The following NT5C2 variants were observed in gnomAD, a reference collection of about 807,000 sequenced individuals.
NT5C2 encodes the protein cytosolic purine 5'-nucleotidase.
NT5C2 carries 58 observed loss-of-function variants against 76.1 expected under a neutral mutation model. The ratio of observed to expected loss-of-function variants is 0.76; its 90% confidence interval spans 0.62 to 0.95. The LOEUF is 0.95. NT5C2 is among the 40% of genes least tolerant of loss of function. NT5C2 has a pLI of 0.00. For missense variants in NT5C2, 478 were observed against 690.3 expected (o/e 0.69, Z 3.45); for synonymous variants, 229 against 237.4 (o/e 0.96, Z 0.32).
intron 3 of NT5C2, among the ~76,000 whole-genome samples, chr10:103,159,251 G>GCACACA (rs57117670): frequency 0.018 from 2,415 of 133,224 alleles, 35 homozygotes; most frequent in African/African-American, 0.037. Context: ...TCCAAAACAT[G>GCACACA]CACACACACA....
At chr10:103,165,947 G>A (rs2134295809) in intron 3 of NT5C2, among the ~76,000 whole-genome samples, 1 of 152,364 alleles carries the variant, frequency 6.6e-6, no homozygotes, top group Non-Finnish European at 1.5e-5. Flanking sequence ...TGGGATTACA[G>A]GCGTGAGCCA....
At chr10:103,096,954 T>C (rs1023558100) in intron 11 of NT5C2, among the ~76,000 whole-genome samples, 1 of 148,566 alleles carries the variant, frequency 6.7e-6, no homozygotes. Flanking sequence ...GGGAAAGTCA[T>C]ACATACACAT....
At chr10:103,111,927 T>G (rs1456701860) in intron 4 of NT5C2, 7 of 519,082 alleles carry the variant, frequency 1.3e-5, no homozygotes, top group Non-Finnish European at 2.1e-5. Context: ...CAGGAGTTAC[T>G]ACTGCCCTCC....
At chr10:103,188,281 C>T (rs936817809) in intron 1 of NT5C2, among the ~76,000 whole-genome samples, 3 of 152,068 alleles carry the variant, frequency 2.0e-5, no homozygotes, top group Admixed American at 1.3e-4. Flanking sequence ...TCACTTGAAC[C>T]CAGGAGGTGG....
At chr10:103,108,072 T>G (rs1024384854) in intron 4 of NT5C2, among the ~76,000 whole-genome samples, 2 of 151,986 alleles carry the variant, frequency 1.3e-5, no homozygotes, top group Admixed American at 1.3e-4. Context: ...GGAGAATCGC[T>G]TGAACCCAGG....
intron 3 of NT5C2, among the ~76,000 whole-genome samples, chr10:103,139,916 C>A (rs1424412059): frequency 1.3e-5 from 2 of 151,918 alleles, no homozygotes; most frequent in Non-Finnish European, 2.9e-5. Context: ...CCTTCCCCAA[C>A]ACTGTTTTGT....
rs529656810 is a variant in NT5C2, at chr10:103,114,403, T to C, written c.176-7697A>G. Among the ~76,000 whole-genome samples the C allele has an allele frequency of 4.7e-3, 716 of 152,028 alleles. 6 individuals are homozygous for C. Among genetic ancestry groups the C allele is most frequent in the African/African-American group, 0.016 (679 of 41,482 alleles). On this transcript the variant is annotated intron_variant, in intron 4 of 18. Coordinates refer to ENST00000404739, the MANE Select transcript of NT5C2 (RefSeq NM_001351169.2). ...CAGCCTGGGTGACAGAGCGAGACTC[T>C]GTCTCAAAAATAAATAAATAAATAA...
At chr10:103,154,892 C>T (rs2083057902) in intron 3 of NT5C2, among the ~76,000 whole-genome samples, 1 of 152,030 alleles carries the variant, frequency 6.6e-6, no homozygotes, top group African/African-American at 2.4e-5. Context: ...CCATGGATTC[C>T]CTAGATTTTC....
chr10:103,167,471 CTTGA>C (rs2086683333), intron 3 of NT5C2, among the ~76,000 whole-genome samples: 2 of 152,102 alleles, frequency 1.3e-5, no homozygotes, highest in African/African-American at 2.4e-5. Context: ...TACTACTCAG[CTTGA>C]TTAATGACAA....
Position 103,166,438 on chromosome 10 carries a change from T to C in NT5C2, c.101+8420A>G, listed in dbSNP as rs560982981. On this transcript the variant is annotated intron_variant, in intron 3 of 18. Transcript: ENST00000404739. ...AACTCAGCATAATTCTCTTGAGATA[T>C]ATCAAAGCTGTTGCACGTATCAACA... Among the ~76,000 whole-genome samples the C allele has an allele frequency of 9.5e-4, 144 of 152,348 alleles. 1 individual carries two copies. The highest frequency in any genetic ancestry group is 1.9e-4 in the East Asian group (1 of 5,186).
At chr10:103,114,821 G>C (rs934887603) in intron 4 of NT5C2, among the ~76,000 whole-genome samples, 3 of 152,160 alleles carry the variant, frequency 2.0e-5, no homozygotes, top group African/African-American at 7.2e-5. Context: ...GTCTGAATCT[G>C]ATTTCTTCAC....
At chr10:103,111,925 A>G in intron 4 of NT5C2, 1 of 532,148 alleles carries the variant, frequency 1.9e-6, no homozygotes, top group Admixed American at 4.4e-5. Flanking sequence ...TACAGGAGTT[A>G]CTACTGCCCT....
At chr10:103,123,858 A>AGGGGGGG (rs2076180297) in intron 4 of NT5C2, among the ~76,000 whole-genome samples, 2 of 152,040 alleles carry the variant, frequency 1.3e-5, no homozygotes, top group African/African-American at 4.8e-5. Flanking sequence ...GGGGGGGGAA[A>AGGGGGGG]AAAAAAGTCA....
intron 1 of NT5C2, among the ~76,000 whole-genome samples, chr10:103,192,735 C>T (rs1434920895): frequency 1.3e-5 from 2 of 152,160 alleles, no homozygotes; most frequent in Non-Finnish European, 2.9e-5. Context: ...GGGAGGCGAC[C>T]GAGGAGCTCT....
chr10:103,183,291 A>ATATATATATATTATATATATATATCTC (rs1554841794), intron 1 of NT5C2, among the ~76,000 whole-genome samples: 1 of 128,146 alleles, frequency 7.8e-6, no homozygotes, highest in Admixed American at 8.6e-5. Context: ...ATATATATAT[A>ATATATATATATTATATATATATATCTC]TATCACACAC....
chr10:103,118,527 C>T (rs995141730), intron 4 of NT5C2, among the ~76,000 whole-genome samples: 3 of 151,858 alleles, frequency 2.0e-5, no homozygotes, highest in Non-Finnish European at 4.4e-5. Context: ...CTAATTTTTG[C>T]ATTTTTTGTA....
intron 3 of NT5C2, among the ~76,000 whole-genome samples, chr10:103,160,366 T>C (rs955110864): frequency 6.6e-5 from 10 of 152,112 alleles, no homozygotes; most frequent in African/African-American, 9.7e-5. Context: ...ATGAAAAGCA[T>C]ACTCGAAAAA....
At chr10:103,184,496 C>A (rs2091756499) in intron 1 of NT5C2, among the ~76,000 whole-genome samples, 1 of 152,192 alleles carries the variant, frequency 6.6e-6, no homozygotes. Flanking sequence ...AGTTTGCATT[C>A]TGTCAATCTC....
At chr10:103,156,179 TGAG>T (rs1042638764) in intron 3 of NT5C2, among the ~76,000 whole-genome samples, 3 of 151,792 alleles carry the variant, frequency 2.0e-5, no homozygotes, top group Non-Finnish European at 2.9e-5. Flanking sequence ...AAAATTTTTT[TGAG>T]GAGGACAAGG....
Sources: gnomAD v4.1 joint callset for allele counts (sites outside exome capture counted in the v4.1 genomes callset) on GRCh38, gnomAD v4.1.1 for gene constraint, MANE v1.5 for transcripts, NCBI Gene and HGNC (gene_info 2026-07-23, HGNC 2026-07-21) for gene names.